Variants in EMSY observed in about 807,000 individuals in gnomAD.
EMSY encodes EMSY transcriptional repressor, BRCA2 interacting, also known as BRCA2-interacting transcriptional repressor EMSY.
EMSY carries 26 observed loss-of-function variants against 134.6 expected under a neutral mutation model. The observed-to-expected ratio is 0.19, with a 90% CI of 0.14 to 0.27. The LOEUF (loss-of-function observed/expected upper bound fraction) is 0.27, where lower values mean the gene tolerates loss of function less well. Among genes scored for constraint, EMSY ranks in the 10% least tolerant of loss-of-function variants. EMSY has a pLI of 1.00. For synonymous variants in EMSY, 579 were observed against 577.8 expected, an observed-to-expected ratio of 1.00 and a Z score of -0.03; for missense variants, 1,305 against 1,611.4, an observed-to-expected ratio of 0.81 and a Z score of 3.26.
exon 9 of EMSY, chr11:76,496,270 C>G: frequency 6.2e-7 from 1 of 1,614,138 alleles, no homozygotes; most frequent in African/African-American, 1.3e-5. Context: ...CCCCCAAAAG[C>G]TTAGTGAGTG....
At chr11:76,494,025 C>T (rs775260183) in intron 8 of EMSY, among the ~76,000 whole-genome samples, 2 of 152,238 alleles carry the variant, frequency 1.3e-5, no homozygotes, top group African/African-American at 4.8e-5. Flanking sequence ...ACTGTGTTCT[C>T]GTTCAGATGC....
chr11:76,535,829 T>C, intron 14 of EMSY, 66 bp from the exon 16 acceptor site: 1 of 1,167,502 alleles, frequency 8.6e-7, no homozygotes, highest in African/African-American at 1.6e-5. Context: ...AAAAATTGTT[T>C]GTTTTTTTTT....
In EMSY at chr11:76,464,164, T is replaced by C; in HGVS notation, c.831+84T>C. 2.0e-6 allele frequency: 3 copies of C among 1,469,196 alleles called. 1 individual carries two copies. The South Asian group carries it at 3.7e-5, about 18-fold the overall frequency. 91.0% of individuals were successfully genotyped at this position (1,469,196 alleles called of 1,614,324 possible). On this transcript the variant is annotated intron_variant, in intron 7 of 20. Coordinates refer to ENST00000334736, the Ensembl canonical transcript of EMSY. ...ATTTAATAAACATGCACTGAGTGCT[T>C]ACTATGTGCTTGGCATTATGCTGGG... is the stretch of plus-strand genomic sequence containing the variant.
chr11:76,447,329 TTTTG>T (rs1832945473), intron 2 of EMSY, among the ~76,000 whole-genome samples: 2 of 152,320 alleles, frequency 1.3e-5, no homozygotes, highest in African/African-American at 4.8e-5. Context: ...GGTAGGTGTT[TTTTG>T]TTTGTTTGTT....
rs1951588884 is a variant in EMSY at position 76,544,956 on chromosome 11, A to G, written c.3273+134A>G. Reference sequence around the variant, plus strand: ...AACCCAAAAGCCTCATTACGCTGGTATTACTTTGCCCCATCAGAAGGTTGA... The same window carrying G: ...AACCCAAAAGCCTCATTACGCTGGTGTTACTTTGCCCCATCAGAAGGTTGA... On this transcript the variant is annotated intron_variant, in intron 19 of 20. Transcript: ENST00000334736. The G allele has an allele frequency of 4.2e-6, 4 of 953,998 alleles. No individual in the cohort carries two copies. In the South Asian group the frequency reaches 5.2e-5, roughly 13 times the overall value. The allele number at this position is 953,998 out of a possible 1,614,324, so 59.1% of individuals were successfully genotyped here.
At chr11:76,468,335 T>G (rs1257826565) in intron 7 of EMSY, among the ~76,000 whole-genome samples, 1 of 152,062 alleles carries the variant, frequency 6.6e-6, no homozygotes, top group Non-Finnish European at 1.5e-5. Context: ...AAACAAATGT[T>G]TAAAACAAAT....
chr11:76,491,879 C>G (rs929936273), intron 8 of EMSY, among the ~76,000 whole-genome samples: 5 of 152,190 alleles, frequency 3.3e-5, no homozygotes, highest in African/African-American at 1.2e-4. Context: ...CTTTATACCA[C>G]CAGATGGCTT....
chr11:76,542,469 G>C (rs879623908), intron 18 of EMSY, 102 bp downstream of exon 19: 11 of 1,406,596 alleles, frequency 7.8e-6, no homozygotes, highest in Non-Finnish European at 9.9e-6. Context: ...TTGGAACGTA[G>C]AGTGTTTGTG....
chr11:76,545,816 C>T (rs777021246), exon 20 of EMSY: 2 of 1,610,286 alleles, frequency 1.2e-6, no homozygotes, highest in East Asian at 4.5e-5. Context: ...CCAATTATAA[C>T]CCAAGGATCC....
chr11:76,542,394 C>G (rs780664025), intron 18 of EMSY, 27 bp downstream of exon 19: 1 of 1,603,360 alleles, frequency 6.2e-7, no homozygotes, highest in Non-Finnish European at 8.5e-7. Context: ...TTCTTCCTAT[C>G]TTCTGCAACT....
intron 9 of EMSY, among the ~76,000 whole-genome samples, chr11:76,503,807 C>T (rs546501505): frequency 7.2e-5 from 11 of 152,286 alleles, no homozygotes; most frequent in African/African-American, 2.4e-4. Flanking sequence ...TTATTTGAGA[C>T]GGAGTCTTGC....
intron 8 of EMSY, among the ~76,000 whole-genome samples, chr11:76,495,812 A>G (rs986003386): frequency 2.6e-5 from 4 of 152,210 alleles, no homozygotes; most frequent in Admixed American, 6.5e-5. Flanking sequence ...TAATATTTGA[A>G]AAATATATAA....
exon 6 of EMSY, chr11:76,459,958 T>C: frequency 1.2e-6 from 2 of 1,614,176 alleles, no homozygotes; most frequent in Admixed American, 1.7e-5. Flanking sequence ...CCTACACAAG[T>C]ACCACGTCAA....
intron 16 of EMSY, 139 bp from the exon 18 acceptor site, chr11:76,539,460 T>G: frequency 2.5e-6 from 2 of 784,718 alleles, no homozygotes; most frequent in Non-Finnish European, 4.1e-6. Flanking sequence ...GAATCTTTCT[T>G]TAGAGATATT....
At chr11:76,451,771 GT>G (rs1271016535) in intron 2 of EMSY, 86 bp from the exon 3 acceptor site, 5 of 667,860 alleles carry the variant, frequency 7.5e-6, no homozygotes, top group East Asian at 3.4e-5. Flanking sequence ...ATTATTTTTA[GT>G]TTTTTTGCCC....
At chr11:76,487,609 A>C (rs567111982) in intron 8 of EMSY, among the ~76,000 whole-genome samples, 1 of 152,364 alleles carries the variant, frequency 6.6e-6, no homozygotes, top group Non-Finnish European at 1.5e-5. Flanking sequence ...TAACAACCGC[A>C]GATCGTCCAC....
At chr11:76,552,775 A>G (rs1565378042), downstream of EMSY, 1 of 152,188 alleles carries the variant, frequency 6.6e-6, no homozygotes, top group African/African-American at 2.4e-5. Context: ...TTAATCACAA[A>G]AGAAATCCTG....
intron 16 of EMSY, 90 bp downstream of exon 17, chr11:76,538,040 T>C: frequency 8.5e-7 from 1 of 1,173,424 alleles, no homozygotes; most frequent in Non-Finnish European, 1.1e-6. Flanking sequence ...ATATATTCTT[T>C]ATATTTTTAG....
intron 4 of EMSY, among the ~76,000 whole-genome samples, chr11:76,457,132 A>G (rs1270210231): frequency 1.3e-5 from 2 of 152,016 alleles, no homozygotes; most frequent in Admixed American, 6.5e-5. Flanking sequence ...AATGATAACT[A>G]TCATCATTAC....
Sources: allele counts gnomAD v4.1 joint callset (sites outside exome capture counted in the v4.1 genomes callset), GRCh38; gene constraint gnomAD v4.1.1; transcripts MANE v1.5; gene names NCBI Gene and HGNC (gene_info 2026-07-23, HGNC 2026-07-21).